PTPRG: variants seen among roughly 807,000 people sequenced by gnomAD.
PTPRG encodes protein tyrosine phosphatase receptor type G, also known as receptor-type tyrosine-protein phosphatase gamma.
A neutral mutation model predicts 165.3 loss-of-function variants in PTPRG; 102 were observed. The observed-to-expected ratio is 0.62, with a 90% CI of 0.53 to 0.73. The LOEUF is 0.73. Ranked by LOEUF, PTPRG falls within the 30% of genes least tolerant of loss-of-function variation. PTPRG has a pLI of 0.00. For synonymous variants in PTPRG, 675 were observed against 669.5 expected (o/e 1.01, Z -0.13); for missense variants, 1,866 against 1,861.4 (o/e 1.00, Z -0.05).
chr3:62,167,250 CTCCGATTACCCATCTGGTAAATGT>C (rs1705024947), intron 7 of PTPRG, among the ~76,000 whole-genome samples: 1 of 152,130 alleles, frequency 6.6e-6, no homozygotes, highest in African/African-American at 2.4e-5. Context: ...AACAGTTCAT[CTCCGATTACCCATCTGGTAAATGT>C]TGAACTTAGG....
At chr3:61,844,340 A>G (rs2036743437) in intron 2 of PTPRG, among the ~76,000 whole-genome samples, 1 of 152,212 alleles carries the variant, frequency 6.6e-6, no homozygotes, top group South Asian at 2.1e-4. Context: ...TGCTAGATAA[A>G]ATACAGGATG....
At chr3:61,688,656 A>G (rs545185395) in intron 1 of PTPRG, among the ~76,000 whole-genome samples, 3 of 152,328 alleles carry the variant, frequency 2.0e-5, no homozygotes, top group Admixed American at 1.3e-4. Context: ...ACCACCCGCT[A>G]GTGTTTTCCA....
intron 3 of PTPRG, among the ~76,000 whole-genome samples, chr3:61,994,129 T>G (rs2040963030): frequency 6.6e-6 from 1 of 152,228 alleles, no homozygotes; most frequent in Non-Finnish European, 1.5e-5. Flanking sequence ...TTATTTCCCT[T>G]TCTTTCATTT....
intron 1 of PTPRG, among the ~76,000 whole-genome samples, chr3:61,585,097 A>G (rs1700401121): frequency 6.6e-6 from 1 of 151,886 alleles, no homozygotes; most frequent in African/African-American, 2.4e-5. Flanking sequence ...CCTGGCCAAC[A>G]TGGCAAAACC....
intron 4 of PTPRG, among the ~76,000 whole-genome samples, chr3:62,017,393 C>T (rs554382387): frequency 3.3e-4 from 50 of 151,250 alleles, no homozygotes; most frequent in Non-Finnish European, 6.2e-4. Flanking sequence ...TGAGGCTAAG[C>T]GTTAATCGTT....
In PTPRG at chr3:62,217,279, G is replaced by A. The variant is rs962495276; in HGVS notation, c.2156-1572G>A. 6.6e-6 allele frequency among the ~76,000 whole-genome samples: 1 copy of A among 152,188 alleles called. No individual in the cohort carries two copies. Among genetic ancestry groups the A allele is most frequent in the Non-Finnish European group, 1.5e-5 (1 of 68,042 alleles). On this transcript the variant is annotated intron_variant, in intron 12 of 29. Transcript: ENST00000474889. The surrounding 1 kb of genome is among the most constrained non-coding windows in gnomAD (Gnocchi z 4.3). ...TAATCAGAGTGTGCTGCACCTACTT[G>A]ACTCTGTCTTCTTACCTGTGAGCAG... is the stretch of plus-strand genomic sequence containing the variant.
intron 2 of PTPRG, among the ~76,000 whole-genome samples, chr3:61,945,829 A>T (rs2039746461): frequency 6.6e-6 from 1 of 152,148 alleles, no homozygotes. Context: ...ACTGACAGTG[A>T]CTCTGAGAGG....
intron 10 of PTPRG, among the ~76,000 whole-genome samples, chr3:62,199,780 G>A (rs547377159): frequency 6.6e-6 from 1 of 152,172 alleles, no homozygotes; most frequent in African/African-American, 2.4e-5. Context: ...CATAGAAGCA[G>A]TTTGATGGAG....
At chr3:61,795,734 A>C (rs961625682) in intron 2 of PTPRG, among the ~76,000 whole-genome samples, 1 of 151,610 alleles carries the variant, frequency 6.6e-6, no homozygotes, top group Non-Finnish European at 1.5e-5. Context: ...CCTGGTTGGC[A>C]TAAGTGCTTA....
At chr3:61,971,565 A>T (rs541611799) in intron 2 of PTPRG, among the ~76,000 whole-genome samples, 1 of 152,262 alleles carries the variant, frequency 6.6e-6, no homozygotes, top group African/African-American at 2.4e-5. Context: ...AAAGGAAATT[A>T]GAGGTTGATG....
At chr3:62,023,346 T>G (rs1428003277) in intron 4 of PTPRG, among the ~76,000 whole-genome samples, 1 of 152,170 alleles carries the variant, frequency 6.6e-6, no homozygotes, top group Non-Finnish European at 1.5e-5. Flanking sequence ...GAAATTTACC[T>G]CAACTCTTCA....
chr3:62,129,992 T>C (rs1703453300), intron 5 of PTPRG, among the ~76,000 whole-genome samples: 1 of 152,240 alleles, frequency 6.6e-6, no homozygotes, highest in Non-Finnish European at 1.5e-5. Context: ...TCTCATTTTT[T>C]ACCTTTGCAT....
At chr3:61,962,551 T>A (rs2040178435) in intron 2 of PTPRG, among the ~76,000 whole-genome samples, 1 of 152,130 alleles carries the variant, frequency 6.6e-6, no homozygotes, top group African/African-American at 2.4e-5. Flanking sequence ...CATTTTTTTA[T>A]ATCCACAGTC....
At chr3:62,281,143 T>C (rs1212228901) in intron 26 of PTPRG, among the ~76,000 whole-genome samples, 1 of 152,074 alleles carries the variant, frequency 6.6e-6, no homozygotes, top group Non-Finnish European at 1.5e-5. Flanking sequence ...TGAAAGTCCT[T>C]TGCAAAATGC....
In PTPRG at chr3:62,210,531, A is replaced by G. The variant is rs543283420; in HGVS notation, c.2155+6581A>G. ...GTATGGTAGTTCCTTAAAAAAGTGA[A>G]ACCAGAATTACCATATGATTTAGCA... On this transcript the variant is annotated intron_variant, in intron 12 of 29. Coordinates refer to ENST00000474889, the MANE Select transcript of PTPRG (RefSeq NM_002841.4). The surrounding 1 kb of genome is among the most constrained non-coding windows in gnomAD (Gnocchi z 4.1). 2.0e-5 allele frequency among the ~76,000 whole-genome samples: 3 copies of G among 152,172 alleles called. No homozygotes were observed. The highest frequency in any genetic ancestry group is 4.4e-5 in the Non-Finnish European group (3 of 68,034).
At chr3:61,666,728 C>T (rs553849257) in intron 1 of PTPRG, among the ~76,000 whole-genome samples, 3 of 152,300 alleles carry the variant, frequency 2.0e-5, no homozygotes, top group East Asian at 3.9e-4. Context: ...TCTGGGAGGA[C>T]CATCCTGTTC....
At chr3:61,912,099 G>A (rs2038815705) in intron 2 of PTPRG, among the ~76,000 whole-genome samples, 1 of 151,912 alleles carries the variant, frequency 6.6e-6, no homozygotes, top group Non-Finnish European at 1.5e-5. Flanking sequence ...TTATCTAGCT[G>A]CCTTCTATTT....
chr3:62,236,830 T>C (rs931784675), intron 14 of PTPRG, among the ~76,000 whole-genome samples: 11 of 152,178 alleles, frequency 7.2e-5, no homozygotes, highest in Non-Finnish European at 1.3e-4. Context: ...CAGGGCAGTG[T>C]TGTAGTAAGC....
chr3:61,616,814 C>G (rs983605117), intron 1 of PTPRG, among the ~76,000 whole-genome samples: 2 of 152,160 alleles, frequency 1.3e-5, no homozygotes, highest in African/African-American at 4.8e-5. Context: ...GAGGACTCTG[C>G]CCCACCCCAG....
Sources: allele counts gnomAD v4.1 joint callset (sites outside exome capture counted in the v4.1 genomes callset), GRCh38; gene constraint gnomAD v4.1.1; non-coding constraint Gnocchi (gnomAD v3.1); transcripts MANE v1.5; gene names NCBI Gene and HGNC (gene_info 2026-07-23, HGNC 2026-07-21).